Variants in CYP2D6 observed in about 807,000 individuals in gnomAD.
The protein encoded by CYP2D6 is cytochrome P450 2D6.
CYP2D6 carries 51 observed loss-of-function variants against 43.5 expected under a neutral mutation model. The ratio of observed to expected loss-of-function variants is 1.17; its 90% CI spans 0.94 to 1.48. The LOEUF is 1.48. Ranked by LOEUF, CYP2D6 falls within the 40% of genes most tolerant of loss-of-function variation. The pLI, the probability that CYP2D6 is intolerant of heterozygous loss-of-function variation, is 0.00. For missense variants in CYP2D6, 698 were observed against 688.0 expected (o/e 1.01, Z -0.16); for synonymous variants, 346 against 297.1 (o/e 1.16, Z -1.69).
Position 42,129,198 on chromosome 22 carries a change from C to G in CYP2D6, c.353-13G>C, listed in dbSNP as rs757417430. Reference sequence around the variant, plus strand: ...GCCAGGAACACCCCTGGGGGTGGGACGGGCACGTGCGCGTGGCCATGAAGG... The same window carrying G: ...GCCAGGAACACCCCTGGGGGTGGGAGGGGCACGTGCGCGTGGCCATGAAGG... On this transcript the variant is annotated splice_polypyrimidine_tract_variant and intron_variant, in intron 2 of 8. Coordinates refer to ENST00000645361, the MANE Select transcript of CYP2D6 (RefSeq NM_000106.6). The G allele has an allele frequency of 2.5e-6, 4 of 1,600,454 alleles. 1 individual carries two copies. Among genetic ancestry groups the G allele is most frequent in the Non-Finnish European group, 3.4e-6 (4 of 1,177,512 alleles).
At chr22:42,127,806 C>T (rs1243518945) in intron 6 of CYP2D6, 36 bp downstream of exon 6, 2 of 1,607,802 alleles carry the variant, frequency 1.2e-6, no homozygotes, top group Non-Finnish European at 1.7e-6. Context: ...TACCCTTCCT[C>T]CCTCGGCCCC....
At chr22:42,129,539 G>A (rs927667390) in intron 2 of CYP2D6, 199 bp downstream of exon 2, 7 of 796,102 alleles carry the variant, frequency 8.8e-6, no homozygotes, top group Admixed American at 4.3e-5. Flanking sequence ...TCTCGGCAGT[G>A]GCCCCGCCCA....
Position 42,127,879 on chromosome 22 carries a change from C to G in CYP2D6, c.948G>C (p.Trp316Cys). 1 of 1,611,202 alleles carries G rather than the reference C, an allele frequency of 6.2e-7. No individual in the cohort carries two copies. The highest frequency in any genetic ancestry group is 8.5e-7 in the Non-Finnish European group (1 of 1,178,196). The change falls in exon 6 of 9, where the codon TGG becomes TGC. Residue 316 changes from tryptophan (W) to cysteine (C), a missense_variant. Trp to Cys is a radical substitution (Grantham distance 215, BLOSUM62 -2). Transcript: ENST00000645361. Reference protein sequence around the residue: ...GMVTTSTTLAWGLLLMILHPD... With the variant: ...GMVTTSTTLACGLLLMILHPD... ...GATGTAGGATCATGAGCAGGAGGCC[C>G]CAGGCCAGCGTGGTCGAGGTGGTCA...
At chr22:42,128,655 A>T in intron 4 of CYP2D6, 129 bp downstream of exon 4, 3 of 1,114,862 alleles carry the variant, frequency 2.7e-6, no homozygotes, top group Non-Finnish European at 4.0e-6. Context: ...CCCTTCTTAC[A>T]GTGGGGTCTC....
chr22:42,129,207 G>T, intron 2 of CYP2D6, 22 bp from the exon 3 acceptor site: 2 of 1,598,572 alleles, frequency 1.3e-6, no homozygotes, highest in South Asian at 1.1e-5. Flanking sequence ...ACGGGCACGT[G>T]CGCGTGGCCA....
In CYP2D6 at chr22:42,128,815, C is replaced by T. The variant is rs5030866; in HGVS notation, c.635G>A (p.Gly212Glu). 1.0e-2 allele frequency: 16,030 copies of T among 1,607,884 alleles called. 562 individuals are homozygous for T. The highest frequency in any genetic ancestry group is 0.011 in the Non-Finnish European group (13,509 of 1,176,582). ...CAGAAAGCCCGACTCCTCCTTCAGT[C>T]CCTCCTGAGCTAGGTCCAGCAGCCT... The part of the protein sequence containing the change: ...FLRLLDLAQE[G>E]LKEESGFLRE... The change falls in exon 4 of 9, where the codon GGA (glycine) becomes GAA (glutamate). Residue 212 changes from glycine (G) to glutamate (E), a missense_variant. Gly to Glu is a moderately conservative substitution (Grantham distance 98). Transcript: ENST00000645361.
At chr22:42,127,704 C>G in intron 6 of CYP2D6, 70 bp from the exon 7 acceptor site, 1 of 1,580,844 alleles carries the variant, frequency 6.3e-7, no homozygotes, top group Non-Finnish European at 8.7e-7. Flanking sequence ...CTTCTTGCCT[C>G]CTATGTTGGA....
intron 6 of CYP2D6, 51 bp downstream of exon 6, chr22:42,127,791 G>C (rs536709258): frequency 1.2e-6 from 2 of 1,601,426 alleles, no homozygotes; most frequent in East Asian, 2.2e-5. Context: ...ATGGGCCCCC[G>C]CCTGTACCCT....
rs2146944195 is a variant in CYP2D6, at chr22:42,130,674, G to A, written c.118C>T (p.Leu40=). Residue 40 remains leucine, a synonymous_variant, in exon 1 of 9, where the codon CTG becomes TTG. Transcript: ENST00000645361. ...AARYPPGPLP[L]PGLGNLLHVD... Reference sequence around the variant, plus strand: ...TGCAGCAGGTTGCCCAGCCCGGGCAGTGGCAGGGGGCCTGGTGGGTAGCGT... The same window carrying A: ...TGCAGCAGGTTGCCCAGCCCGGGCAATGGCAGGGGGCCTGGTGGGTAGCGT... 6.2e-7 allele frequency: 1 copy of A among 1,608,692 alleles called. No homozygotes were observed. The highest frequency in any genetic ancestry group is 8.5e-7 in the Non-Finnish European group (1 of 1,177,218).
chr22:42,127,061 C>G (rs1931036726), intron 7 of CYP2D6, 69 bp from the exon 8 acceptor site: 9 of 1,515,858 alleles, frequency 5.9e-6, no homozygotes, highest in African/African-American at 1.4e-5. Context: ...CCACCAAACA[C>G]ACGGGGGACA....
chr22:42,128,864 C>A lies in CYP2D6; in HGVS notation c.586G>T (p.Glu196Ter), dbSNP rs755518310. 1.2e-6 allele frequency: 2 copies of A among 1,602,874 alleles called. No individual in the cohort carries two copies. ...IASLTCGRRF[E>*]YDDPRFLRLL... ...CTGAGGAAGCGAGGGTCGTCGTACT[C>A]GAAGCGGCGCCCGCAGGTGAGGGAG... The change falls in exon 4 of 9, where the codon GAG becomes TAG. Residue 196 changes from glutamate to a stop codon, truncating the protein, a stop_gained. Transcript: ENST00000645361. LOFTEE classifies it high-confidence loss of function.
Position 42,126,919 on chromosome 22 carries a change from T to C in CYP2D6, c.1247A>G (p.His416Arg), listed in dbSNP as rs746144777. ...EAVWEKPFRF[H>R]PEHFLDAQGH... ...CTGGGCATCCAGGAAGTGTTCGGGGTGGAAGCGGAAGGGCTTCTCCCAGAC... is the reference window on the plus strand; with the variant it reads ...CTGGGCATCCAGGAAGTGTTCGGGGCGGAAGCGGAAGGGCTTCTCCCAGAC... Residue 416 changes from histidine to arginine, a missense_variant, in exon 8 of 9, where the codon CAC becomes CGC. By Grantham distance (29) the His-to-Arg change is conservative. Coordinates refer to ENST00000645361, the MANE Select transcript of CYP2D6 (RefSeq NM_000106.6). 2.1e-5 allele frequency: 33 copies of C among 1,606,734 alleles called. 1 individual carries two copies. Among genetic ancestry groups the C allele is most frequent in the Non-Finnish European group, 9.4e-6 (11 of 1,176,324 alleles).
At chr22:42,128,725 A>G (rs1931418594) in intron 4 of CYP2D6, 59 bp downstream of exon 4, 2 of 1,562,124 alleles carry the variant, frequency 1.3e-6, no homozygotes, top group African/African-American at 1.4e-5. Flanking sequence ...GCCCCAGTCC[A>G]GCCCCGGCAC....
rs1274057279 is a variant in CYP2D6, at chr22:42,127,936, T to C, written c.891A>G (p.Ile297Met). Residue 297 changes from isoleucine (I) to methionine (M), a missense_variant, in exon 6 of 9, where the codon ATA (isoleucine) becomes ATG (methionine). Transcript: ENST00000645361. ...ESSFNDENLRIVVADLFSAGM... is the reference protein window; with the variant it reads ...ESSFNDENLRMVVADLFSAGM... Reference sequence around the variant, plus strand: ...CGGCAGAGAACAGGTCAGCCACCACTATGCGCAGGTTCTCATCATTGAAGC... The same window carrying C: ...CGGCAGAGAACAGGTCAGCCACCACCATGCGCAGGTTCTCATCATTGAAGC... The C allele has an allele frequency of 1.2e-6, 2 of 1,611,270 alleles. No individual in the cohort carries two copies. The highest frequency in any genetic ancestry group is 2.2e-5 in the South Asian group (2 of 90,920).
intron 4 of CYP2D6, 146 bp from the exon 5 acceptor site, chr22:42,128,496 C>T (rs1026088299): frequency 1.4e-5 from 14 of 1,019,984 alleles, no homozygotes; most frequent in Non-Finnish European, 1.7e-5. Context: ...GTGCCAGCCT[C>T]CACCCTCTCT....
rs1487241440 is a variant in CYP2D6, at chr22:42,130,683, G to A, written c.109C>T (p.Pro37Ser). ...TTGCCCAGCCCGGGCAGTGGCAGGG[G>A]GCCTGGTGGGTAGCGTGCAGCCCAG... ...QRWAARYPPG[P>S]LPLPGLGNLL... is the part of the protein sequence containing the mutation. Residue 37 changes from proline (P) to serine (S), a missense_variant, in exon 1 of 9, where the codon CCC becomes TCC. This residue lies in a region of CYP2D6 where 588 missense variants were observed against 521.1 expected (regional missense o/e 1.13). Coordinates refer to ENST00000645361, the MANE Select transcript of CYP2D6 (RefSeq NM_000106.6). 6.2e-7 allele frequency: 1 copy of A among 1,608,014 alleles called. No individual in the cohort carries two copies. The highest frequency in any genetic ancestry group is 2.2e-5 in the East Asian group (1 of 44,666).
At chr22:42,129,632 GC>G in intron 2 of CYP2D6, 105 bp downstream of exon 2, 3 of 1,461,318 alleles carry the variant, frequency 2.1e-6, no homozygotes, top group Non-Finnish European at 2.8e-6. Flanking sequence ...CCACTCGCTG[GC>G]CTGTTTCATG....
rs994533704 is a variant in CYP2D6 at position 42,127,974 on chromosome 22, T to A, written c.853A>T (p.Asn285Tyr). ...TCATCATTGAAGCTGCTCTCAGGGT[T>A]CCCCTTGGCCTGAGCAGGGCCGAGA... ...FLAEMEKAKGNPESSFNDENL... is the reference protein window; with the variant it reads ...FLAEMEKAKGYPESSFNDENL... Residue 285 changes from asparagine to tyrosine, a missense_variant, in exon 6 of 9, where the codon AAC (asparagine) becomes TAC (tyrosine). This residue lies in a region of CYP2D6 where 588 missense variants were observed against 521.1 expected (regional missense o/e 1.13). Transcript: ENST00000645361. 10 of 1,611,234 alleles carry A rather than the reference T, an allele frequency of 6.2e-6. No individual in the cohort carries two copies. The Admixed American group carries it at 1.3e-4, about 22-fold the overall frequency.
rs1438451582 is a variant in CYP2D6, at chr22:42,128,390, C to G, written c.667-40G>C. The G allele has an allele frequency of 5.6e-6, 9 of 1,597,088 alleles. 1 individual carries two copies. Among genetic ancestry groups the G allele is most frequent in the Admixed American group, 3.3e-5 (2 of 59,764 alleles). ...ACGGGGTCTCAATCCCTCCTGTGCT[C>G]TGCGTTCACCTGGACAAGTCTCAGG... is the stretch of plus-strand genomic sequence containing the variant. On this transcript the variant is annotated intron_variant, in intron 4 of 8. Coordinates refer to ENST00000645361, the MANE Select transcript of CYP2D6 (RefSeq NM_000106.6).
Sources: gnomAD v4.1 joint callset for allele counts on GRCh38, gnomAD v4.1.1 for gene constraint, gnomAD v4.1.1 regional missense constraint, MANE v1.5 for transcripts, NCBI Gene and HGNC (gene_info 2026-07-23, HGNC 2026-07-21) for gene names.